LRRC53: variants seen among roughly 807,000 people sequenced by gnomAD.
The protein encoded by LRRC53 is leucine rich repeat containing 53.
A neutral mutation model predicts 13.6 loss-of-function variants in LRRC53; 25 were observed. That is an observed-to-expected ratio of 1.83 (90% CI 1.34 to 2.56). The LOEUF is 2.56. Ranked by LOEUF, LRRC53 falls within the 30% of genes most tolerant of loss-of-function variation. LRRC53 has a pLI of 0.00. For missense variants in LRRC53, 527 were observed against 275.8 expected (o/e 1.91, Z -6.45); for synonymous variants, 204 against 109.8 (o/e 1.86, Z -5.37).
At chr1:74,512,621 A>G (rs182343818), upstream of LRRC53, 1 of 152,168 alleles carries the variant, frequency 6.6e-6, no homozygotes, top group East Asian at 1.9e-4. Flanking sequence ...CATCTCAGCC[A>G]TATGCCTTAT....
At chr1:74,496,986 C>T (rs923731986) in intron 1 of LRRC53, among the ~76,000 whole-genome samples, 1 of 152,128 alleles carries the variant, frequency 6.6e-6, no homozygotes, top group African/African-American at 2.4e-5. Flanking sequence ...AGAAGAAAAC[C>T]AGGGATCCAG....
rs899218527 is a variant in LRRC53, at chr1:74,480,488, C to G, written c.569G>C (p.Arg190Pro). ...LPQLQEVDLS[R>P]NRLAHMPDVF... is the part of the protein sequence containing the mutation. ...ATCCGGCATGTGGGCTAACCTATTT[C>G]GGGAAAGGTCCACTTCCTGTAGTTG... is the stretch of plus-strand genomic sequence containing the variant. Residue 190 changes from arginine to proline, a missense_variant, in exon 3 of 5, where the codon CGA becomes CCA. Arg to Pro is a moderately radical substitution (Grantham distance 103, BLOSUM62 -2). Coordinates refer to ENST00000294635, the MANE Select transcript of LRRC53 (RefSeq NM_001382280.1). 3 of 717,372 alleles carry G rather than the reference C, an allele frequency of 4.2e-6. No individual in the cohort carries two copies. Among genetic ancestry groups the G allele is most frequent in the Non-Finnish European group, 7.8e-6 (3 of 385,092 alleles). The allele number at this position is 717,372 out of a possible 1,614,324, so 44.4% of individuals were successfully genotyped here.
At chr1:74,473,650 A>C (rs943036478) in intron 4 of LRRC53, among the ~76,000 whole-genome samples, 1 of 152,044 alleles carries the variant, frequency 6.6e-6, no homozygotes, top group Non-Finnish European at 1.5e-5. Flanking sequence ...ATTTTCCCCA[A>C]GAGGTAAACT....
the LRRC53 span, among the ~76,000 whole-genome samples, chr1:74,537,076 T>C: frequency 2.6e-5 from 4 of 152,180 alleles, no homozygotes; most frequent in Non-Finnish European, 4.4e-5. Flanking sequence ...ATGTGGTATC[T>C]CTTGGGCAAA....
At chr1:74,473,262 A>C (rs1021378681) in intron 4 of LRRC53, among the ~76,000 whole-genome samples, 35 of 152,148 alleles carry the variant, frequency 2.3e-4, no homozygotes, top group African/African-American at 7.5e-4. Flanking sequence ...ATGAGCTTTA[A>C]AGAAGTTGAA....
At chr1:74,497,564 G>A (rs1443374603) in intron 1 of LRRC53, among the ~76,000 whole-genome samples, 2 of 147,286 alleles carry the variant, frequency 1.4e-5, no homozygotes, top group Non-Finnish European at 1.5e-5. Context: ...CCACATACAT[G>A]CACACACACA....
intron 1 of LRRC53, among the ~76,000 whole-genome samples, chr1:74,507,842 G>A (rs1263142609): frequency 6.6e-6 from 1 of 152,216 alleles, no homozygotes; most frequent in Admixed American, 6.5e-5. Flanking sequence ...TACAAAGGCT[G>A]AAAATTGAAG....
chr1:74,513,035 C>A (rs1171828588), upstream of LRRC53, among the ~76,000 whole-genome samples: 2 of 152,172 alleles, frequency 1.3e-5, no homozygotes, highest in Non-Finnish European at 2.9e-5. Flanking sequence ...AGTCTTGACT[C>A]TTTAAAGTTG....
At chr1:74,524,000 C>G in the LRRC53 span, among the ~76,000 whole-genome samples, 1 of 151,754 alleles carries the variant, frequency 6.6e-6, no homozygotes, top group Admixed American at 6.6e-5. Flanking sequence ...GCAATTCCAT[C>G]AAGCCACAAT....
At chr1:74,491,077 T>C (rs961473259) in intron 1 of LRRC53, among the ~76,000 whole-genome samples, 2 of 152,164 alleles carry the variant, frequency 1.3e-5, no homozygotes, top group Admixed American at 1.3e-4. Flanking sequence ...TTTAAAGGAA[T>C]AATTAAAACT....
Position 74,470,371 on chromosome 1 carries a change from T to C in LRRC53, c.3251A>G (p.Lys1084Arg). 1 of 400,670 alleles carries C rather than the reference T, an allele frequency of 2.5e-6. No homozygotes were observed. Among genetic ancestry groups the C allele is most frequent in the Middle Eastern group, 3.1e-4 (1 of 3,218 alleles). The allele number at this position is 400,670 out of a possible 1,614,324, so 24.8% of individuals were successfully genotyped here. Residue 1084 changes from lysine to arginine, a missense_variant, in exon 5 of 5, where the codon AAA (lysine) becomes AGA (arginine). Physicochemically the swap from Lys to Arg is conservative, Grantham distance 26. Coordinates refer to ENST00000294635, the MANE Select transcript of LRRC53 (RefSeq NM_001382280.1). ...LEIKIVGKEE[K>R]NMLDESKTDS... ...TGTCTTGCTTTCATCAAGCATATTT[T>C]TCTCTTCTTTCCCTACTATTTTTAT...
chr1:74,534,733 C>A, the LRRC53 span, among the ~76,000 whole-genome samples: 1 of 151,922 alleles, frequency 6.6e-6, no homozygotes, highest in Non-Finnish European at 1.5e-5. Context: ...CTACAGATTT[C>A]TTTTATATAA....
At chr1:74,510,113 G>A (rs1399462854) in intron 1 of LRRC53, among the ~76,000 whole-genome samples, 1 of 151,962 alleles carries the variant, frequency 6.6e-6, no homozygotes, top group Non-Finnish European at 1.5e-5. Flanking sequence ...AGACAGTTCT[G>A]AGTTTAAACA....
upstream of LRRC53, among the ~76,000 whole-genome samples, chr1:74,517,379 C>T (rs1646364613): frequency 6.6e-6 from 1 of 152,184 alleles, no homozygotes; most frequent in South Asian, 2.1e-4. Flanking sequence ...CAAAAATTTT[C>T]TGGCATTAGC....
rs2100748689 is a variant in LRRC53, at chr1:74,475,704, A to T, written c.1011T>A (p.Asp337Glu). Residue 337 changes from aspartate (D) to glutamate (E), a missense_variant, in exon 4 of 5, where the codon GAT becomes GAA. Coordinates refer to ENST00000294635, the MANE Select transcript of LRRC53 (RefSeq NM_001382280.1). ...TSENLCCRTF[D>E]EPLCAHEARN... ...TTGCCTCATGAGCACACAGGGGTTCATCGAAGGTTCTGCAACAAAGGTTTT... is the reference window on the plus strand; with the variant it reads ...TTGCCTCATGAGCACACAGGGGTTCTTCGAAGGTTCTGCAACAAAGGTTTT... The T allele has an allele frequency of 1.4e-6, 1 of 703,930 alleles. No individual in the cohort carries two copies. The highest frequency in any genetic ancestry group is 2.4e-4 in the Middle Eastern group (1 of 4,246). The allele number at this position is 703,930 out of a possible 1,614,324, so 43.6% of individuals were successfully genotyped here.
At chr1:74,511,153 C>A (rs971492294) in intron 1 of LRRC53, among the ~76,000 whole-genome samples, 6 of 151,336 alleles carry the variant, frequency 4.0e-5, no homozygotes, top group African/African-American at 1.5e-4. Flanking sequence ...CTTGGCCTCC[C>A]AAAGTGCTGG....
intron 1 of LRRC53, among the ~76,000 whole-genome samples, chr1:74,483,970 A>G (rs1668625373): frequency 6.6e-6 from 1 of 152,122 alleles, no homozygotes; most frequent in African/African-American, 2.4e-5. Context: ...GTTTTTACTG[A>G]CTATATTATC....
chr1:74,481,935 C>T (rs1457700826), intron 2 of LRRC53, among the ~76,000 whole-genome samples: 4 of 152,028 alleles, frequency 2.6e-5, no homozygotes, highest in African/African-American at 7.3e-5. Context: ...GACTGCATCG[C>T]GGAAACAAAG....
the LRRC53 span, among the ~76,000 whole-genome samples, chr1:74,535,166 G>A: frequency 6.6e-6 from 1 of 152,102 alleles, no homozygotes. Context: ...CTCAAAGTCT[G>A]CATGATTCAT....
Sources: gnomAD v4.1 joint callset for allele counts (sites outside exome capture counted in the v4.1 genomes callset) on GRCh38, gnomAD v4.1.1 for gene constraint, MANE v1.5 for transcripts, NCBI Gene and HGNC (gene_info 2026-07-23, HGNC 2026-07-21) for gene names.